The following MAGI1 variants were observed in gnomAD, a reference collection of about 807,000 sequenced individuals.
MAGI1 encodes membrane associated guanylate kinase, WW and PDZ domain containing 1, also known as membrane-associated guanylate kinase, WW and PDZ domain-containing protein 1.
Under a neutral mutation model 139.9 loss-of-function variants are expected in MAGI1, and 58 were observed. The observed-to-expected ratio is 0.41, with a 90% confidence interval of 0.34 to 0.52. MAGI1 has a LOEUF of 0.52. Among genes scored for constraint, MAGI1 ranks in the 20% least tolerant of loss-of-function variants. MAGI1 has a pLI of 0.12. For missense variants in MAGI1, 1,874 were observed against 1,901.6 expected, an observed-to-expected ratio of 0.99 and a Z score of 0.27; for synonymous variants, 812 against 737.9, an observed-to-expected ratio of 1.10 and a Z score of -1.63.
chr3:65,483,694 C>T (rs907077555), intron 3 of MAGI1, among the ~76,000 whole-genome samples: 21 of 152,202 alleles, frequency 1.4e-4, no homozygotes, highest in African/African-American at 5.1e-4. Flanking sequence ...GAAACTTGTT[C>T]TCTCTGCTGC....
chr3:65,667,501 T>G lies in MAGI1; in HGVS notation c.314-45413A>C, dbSNP rs185996202. On this transcript the variant is annotated intron_variant, in intron 1 of 22. Transcript: ENST00000402939. ...GGAATGCCTGCGTGTGTGGGACAAG[T>G]GAGAGCACCAGGAGGAATGACTGTG... is the stretch of plus-strand genomic sequence containing the variant. Among the ~76,000 whole-genome samples, 470 of 152,312 alleles carry G rather than the reference T, an allele frequency of 3.1e-3. 3 individuals are homozygous for G. Among genetic ancestry groups the G allele is most frequent in the Non-Finnish European group, 2.5e-3 (169 of 68,018 alleles).
intron 10 of MAGI1, among the ~76,000 whole-genome samples, chr3:65,435,968 A>T (rs1195425628): frequency 1.3e-5 from 2 of 152,134 alleles, no homozygotes; most frequent in African/African-American, 4.8e-5. Flanking sequence ...CTACAGAAGG[A>T]ATTTTATGTT....
chr3:65,969,449 G>A (rs1004774863), intron 1 of MAGI1, among the ~76,000 whole-genome samples: 1 of 152,128 alleles, frequency 6.6e-6, no homozygotes, highest in African/African-American at 2.4e-5. Flanking sequence ...AATATCTCCA[G>A]ATATTGCCAA....
At chr3:65,451,697 T>A (rs1469377835) in intron 6 of MAGI1, among the ~76,000 whole-genome samples, 1 of 152,210 alleles carries the variant, frequency 6.6e-6, no homozygotes, top group East Asian at 1.9e-4. Context: ...AAGGCTGGAA[T>A]GTAGTGGCAC....
At chr3:65,873,945 A>G (rs1037760391) in intron 1 of MAGI1, 2 of 151,286 alleles carry the variant, frequency 1.3e-5, no homozygotes, top group Non-Finnish European at 2.9e-5. Flanking sequence ...CAAACAAAAG[A>G]AAAAAAATAG....
rs187187908 is a variant in MAGI1 at position 65,594,546 on chromosome 3, T to C, written c.430+27426A>G. Among the ~76,000 whole-genome samples, 190 of 152,326 alleles carry C rather than the reference T, an allele frequency of 1.2e-3. 1 individual carries two copies. Among genetic ancestry groups the C allele is most frequent in the Non-Finnish European group, 2.2e-3 (150 of 68,032 alleles). On this transcript the variant is annotated intron_variant, in intron 2 of 22. Coordinates refer to ENST00000402939, the MANE Select transcript of MAGI1 (RefSeq NM_001033057.2). Reference sequence around the variant, plus strand: ...AGAGTTACTGAATTAATGGCTGGCATTGTTGCTTTCTTCCCACCAGACATC... The same window carrying C: ...AGAGTTACTGAATTAATGGCTGGCACTGTTGCTTTCTTCCCACCAGACATC...
chr3:65,849,919 T>C (rs940948004), intron 1 of MAGI1, among the ~76,000 whole-genome samples: 1 of 152,220 alleles, frequency 6.6e-6, no homozygotes, highest in African/African-American at 2.4e-5. Flanking sequence ...GATTCAACTT[T>C]AAACTGCACA....
At chr3:65,715,801 C>T (rs1034410432) in intron 1 of MAGI1, among the ~76,000 whole-genome samples, 7 of 152,108 alleles carry the variant, frequency 4.6e-5, no homozygotes, top group African/African-American at 1.4e-4. Flanking sequence ...CATTTTATAA[C>T]CAAAAATTTG....
intron 1 of MAGI1, among the ~76,000 whole-genome samples, chr3:65,704,757 C>T (rs2089841385): frequency 6.6e-6 from 1 of 151,934 alleles, no homozygotes; most frequent in Non-Finnish European, 1.5e-5. Context: ...AAAAAAGGCA[C>T]AAGTAGCTAA....
chr3:65,854,442 A>AT (rs2059307184), intron 1 of MAGI1, among the ~76,000 whole-genome samples: 1 of 152,194 alleles, frequency 6.6e-6, no homozygotes, highest in South Asian at 2.1e-4. Context: ...ATGAGGCAAT[A>AT]ATGTGCCTCC....
chr3:66,002,367 C>A (rs1034739670), intron 1 of MAGI1, among the ~76,000 whole-genome samples: 1 of 152,074 alleles, frequency 6.6e-6, no homozygotes, highest in Non-Finnish European at 1.5e-5. Flanking sequence ...CACAATACTA[C>A]CATTTCCAAT....
At position 65,943,376 on chromosome 3, in the gene MAGI1, C is replaced by G. The variant is rs775100561; in HGVS notation, c.313+94620G>C. 4.9e-4 allele frequency among the ~76,000 whole-genome samples: 74 copies of G among 152,198 alleles called. 1 individual carries two copies. The highest frequency in any genetic ancestry group is 6.9e-4 in the Non-Finnish European group (47 of 68,006). ...AGATCACGAGGTCAGGAGTTTGAGACCAGCCTGGCCAACATCGTGAAACCC... is the reference window on the plus strand; with the variant it reads ...AGATCACGAGGTCAGGAGTTTGAGAGCAGCCTGGCCAACATCGTGAAACCC... On this transcript the variant is annotated intron_variant, in intron 1 of 22. Coordinates refer to ENST00000402939, the MANE Select transcript of MAGI1 (RefSeq NM_001033057.2).
chr3:65,420,093 C>T (rs992374705), intron 12 of MAGI1, among the ~76,000 whole-genome samples: 1 of 151,906 alleles, frequency 6.6e-6, no homozygotes, highest in African/African-American at 2.4e-5. Flanking sequence ...TCCTGTTCCC[C>T]TAAAATACAT....
chr3:65,495,647 G>T (rs1952377408), intron 2 of MAGI1, among the ~76,000 whole-genome samples: 1 of 152,154 alleles, frequency 6.6e-6, no homozygotes, highest in South Asian at 2.1e-4. Flanking sequence ...ATATCAGGAG[G>T]AAATCATTCT....
intron 12 of MAGI1, among the ~76,000 whole-genome samples, chr3:65,425,550 G>A (rs775243556): frequency 5.3e-5 from 8 of 152,148 alleles, no homozygotes; most frequent in Non-Finnish European, 8.8e-5. Flanking sequence ...AAGTGTCAGG[G>A]TAGAAGTAGT....
At chr3:65,737,590 G>A (rs1256074960) in intron 1 of MAGI1, among the ~76,000 whole-genome samples, 1 of 152,148 alleles carries the variant, frequency 6.6e-6, no homozygotes, top group Non-Finnish European at 1.5e-5. Flanking sequence ...CATGGCAGGT[G>A]GTAGCTCACT....
chr3:65,640,722 A>G (rs1429041742), intron 1 of MAGI1, among the ~76,000 whole-genome samples: 1 of 152,234 alleles, frequency 6.6e-6, no homozygotes, highest in African/African-American at 2.4e-5. Flanking sequence ...CTCCGAATAT[A>G]TTGCTTATAT....
At chr3:65,725,575 TGGCAAGTA>T (rs988789628) in intron 1 of MAGI1, among the ~76,000 whole-genome samples, 3 of 152,168 alleles carry the variant, frequency 2.0e-5, no homozygotes, top group African/African-American at 4.8e-5. Context: ...AAACTAAGGC[TGGCAAGTA>T]GGCATGTGGA....
intron 1 of MAGI1, among the ~76,000 whole-genome samples, chr3:65,824,073 T>C (rs905477463): frequency 1.3e-4 from 20 of 152,322 alleles, no homozygotes; most frequent in Middle Eastern, 3.4e-3. Context: ...AAACAATCAA[T>C]CAGGTTACTG....
Sources: gnomAD v4.1 joint callset for allele counts (sites outside exome capture counted in the v4.1 genomes callset) on GRCh38, gnomAD v4.1.1 for gene constraint, MANE v1.5 for transcripts, NCBI Gene and HGNC (gene_info 2026-07-23, HGNC 2026-07-21) for gene names.